The following PCDH15 variants were observed in gnomAD, a reference collection of about 807,000 sequenced individuals.
PCDH15 encodes protocadherin related 15, also known as protocadherin-15.
PCDH15 carries 129 observed loss-of-function variants against 178.5 expected under a neutral mutation model. The observed-to-expected ratio is 0.72, with a 90% confidence interval of 0.63 to 0.84. PCDH15 has a LOEUF of 0.84. Among genes scored for constraint, PCDH15 ranks in the 40% least tolerant of loss-of-function variants. The pLI is 0.00. For synonymous variants in PCDH15, 800 were observed against 732.0 expected (o/e 1.09, Z -1.50); for missense variants, 2,230 against 2,099.9 (o/e 1.06, Z -1.21).
intron 2 of PCDH15, among the ~76,000 whole-genome samples, chr10:55,338,256 A>G (rs1260028070): frequency 6.6e-6 from 1 of 152,180 alleles, no homozygotes; most frequent in Non-Finnish European, 1.5e-5. Context: ...CAAAAAAACT[A>G]AAAGTAAAAT....
intron 2 of PCDH15, among the ~76,000 whole-genome samples, chr10:54,953,143 T>C (rs1838389712): frequency 6.6e-6 from 1 of 151,532 alleles, no homozygotes; most frequent in Non-Finnish European, 1.5e-5. Flanking sequence ...TTTTTATTTG[T>C]TTGTTTATTA....
intron 27 of PCDH15, among the ~76,000 whole-genome samples, chr10:53,858,651 A>C (rs2078911664): frequency 6.6e-6 from 1 of 152,148 alleles, no homozygotes; most frequent in Admixed American, 6.5e-5. Context: ...AGTAGGTCTG[A>C]TTATTACTTC....
intron 14 of PCDH15, among the ~76,000 whole-genome samples, chr10:54,140,021 C>T (rs1381789632): frequency 6.6e-6 from 1 of 151,966 alleles, no homozygotes; most frequent in African/African-American, 2.4e-5. Flanking sequence ...CTCTGTGTGT[C>T]TATCTTCATG....
chr10:55,482,110 G>A (rs1370285563), intron 2 of PCDH15, among the ~76,000 whole-genome samples: 2 of 151,742 alleles, frequency 1.3e-5, no homozygotes, highest in East Asian at 3.9e-4. Context: ...GATCTTTGAT[G>A]GTTTAAAGTC....
chr10:55,361,027 TG>T (rs1845214816), intron 2 of PCDH15, among the ~76,000 whole-genome samples: 1 of 151,982 alleles, frequency 6.6e-6, no homozygotes, highest in South Asian at 2.1e-4. Flanking sequence ...ATTTTCTGAA[TG>T]GACCACAATT....
intron 2 of PCDH15, among the ~76,000 whole-genome samples, chr10:55,332,653 G>A (rs932036129): frequency 1.3e-5 from 2 of 152,082 alleles, no homozygotes; most frequent in Non-Finnish European, 2.9e-5. Context: ...GTTGTGAAAG[G>A]GACCCAGTGG....
chr10:54,628,876 T>C (rs1384815353), intron 2 of PCDH15, among the ~76,000 whole-genome samples: 1 of 152,126 alleles, frequency 6.6e-6, no homozygotes, highest in Non-Finnish European at 1.5e-5. Context: ...TGATTTCTCC[T>C]TTGCTTTCGT....
Position 54,664,297 on chromosome 10 carries a change from T to G in PCDH15, c.-28-7A>C, listed in dbSNP as rs1169417482. 1 of 1,512,674 alleles carries G rather than the reference T, an allele frequency of 6.6e-7. No individual in the cohort carries two copies. Among genetic ancestry groups the G allele is most frequent in the East Asian group, 2.3e-5 (1 of 43,602 alleles). The allele number at this position is 1,512,674 out of a possible 1,614,324, so 93.7% of individuals were successfully genotyped here. A position where few individuals can be genotyped will look rare whatever the true frequency, so the allele number is the denominator to read the frequency against. ...AAGTTCACTCAAAGCTGATCTGAAATAAGAAAAGGTAGAAAGAAACATTTG... is the reference window on the plus strand; with the variant it reads ...AAGTTCACTCAAAGCTGATCTGAAAGAAGAAAAGGTAGAAAGAAACATTTG... On this transcript the variant is annotated splice_polypyrimidine_tract_variant and splice_region_variant and intron_variant, in intron 1 of 37. Coordinates refer to ENST00000644397, the MANE Select transcript of PCDH15 (RefSeq NM_001384140.1).
chr10:55,378,751 A>T (rs1015638393), intron 2 of PCDH15, among the ~76,000 whole-genome samples: 48 of 152,048 alleles, frequency 3.2e-4, no homozygotes, highest in African/African-American at 1.1e-3. Context: ...ATGAGGCATA[A>T]CACCTTACTA....
At chr10:55,376,569 T>C (rs1588967592) in intron 2 of PCDH15, among the ~76,000 whole-genome samples, 3 of 152,234 alleles carry the variant, frequency 2.0e-5, no homozygotes, top group Middle Eastern at 3.4e-3. Context: ...ATTTTTAGCT[T>C]TGATTATTGA....
At chr10:54,260,642 G>GTGA (rs2057248470) in intron 8 of PCDH15, among the ~76,000 whole-genome samples, 2 of 151,874 alleles carry the variant, frequency 1.3e-5, no homozygotes, top group African/African-American at 4.8e-5. Context: ...GTGCAGTGGC[G>GTGA]CGATCTCGGC....
intron 1 of PCDH15, among the ~76,000 whole-genome samples, chr10:55,318,412 T>A (rs1307583856): frequency 6.6e-6 from 1 of 152,084 alleles, no homozygotes; most frequent in Non-Finnish European, 1.5e-5. Context: ...GAAAATATAG[T>A]TCATTTTGAA....
chr10:54,849,088 C>T (rs909299175), intron 3 of PCDH15, among the ~76,000 whole-genome samples: 2 of 151,856 alleles, frequency 1.3e-5, no homozygotes, highest in African/African-American at 4.8e-5. Flanking sequence ...TACGTGTTTC[C>T]CTTTCTTATT....
At chr10:55,280,458 T>A (rs2132256718) in intron 1 of PCDH15, among the ~76,000 whole-genome samples, 1 of 146,622 alleles carries the variant, frequency 6.8e-6, no homozygotes, top group Non-Finnish European at 1.5e-5. Flanking sequence ...TTTTTTTTTT[T>A]TTTTTTTTTT....
At chr10:54,060,220 TCTGA>T (rs1377412072) in intron 18 of PCDH15, among the ~76,000 whole-genome samples, 13 of 152,342 alleles carry the variant, frequency 8.5e-5, no homozygotes, top group South Asian at 2.1e-4. Flanking sequence ...CTGTTTATAA[TCTGA>T]CTGACTATGA....
chr10:54,467,281 T>G (rs2077580908), intron 3 of PCDH15, among the ~76,000 whole-genome samples: 1 of 151,926 alleles, frequency 6.6e-6, no homozygotes, highest in South Asian at 2.1e-4. Context: ...AGTATTATGT[T>G]AGCTATGAGT....
intron 1 of PCDH15, among the ~76,000 whole-genome samples, chr10:54,763,524 G>A (rs906748200): frequency 2.0e-5 from 3 of 151,974 alleles, no homozygotes; most frequent in African/African-American, 7.3e-5. Flanking sequence ...TTAGGTAGAA[G>A]AAATAAGTTC....
chr10:54,093,938 T>A (rs1286077372), intron 15 of PCDH15, among the ~76,000 whole-genome samples: 1 of 152,160 alleles, frequency 6.6e-6, no homozygotes, highest in Non-Finnish European at 1.5e-5. Flanking sequence ...TGAAAAAACA[T>A]TTTATGTGCT....
rs769649075 is a variant in PCDH15 at position 54,153,438 on chromosome 10, GTTTT to G, written c.1591-149_1591-146del. 3 of 822,234 alleles carry G rather than the reference GTTTT, an allele frequency of 3.6e-6. No individual in the cohort carries two copies. In the African/African-American group the frequency reaches 5.2e-5, roughly 14 times the overall value. The allele number at this position is 822,234 out of a possible 1,614,324, so 50.9% of individuals were successfully genotyped here. The stretch of plus-strand genomic sequence containing the variant: ...ACATATATACTGTTTTTTGTTTTTT[GTTTT>G]TTTAACTGAGGCTACTGTGTCCTGT... On this transcript the variant is annotated intron_variant, in intron 13 of 37. Coordinates refer to ENST00000644397, the MANE Select transcript of PCDH15 (RefSeq NM_001384140.1).
Sources: gnomAD v4.1 joint callset for allele counts (sites outside exome capture counted in the v4.1 genomes callset) on GRCh38, gnomAD v4.1.1 for gene constraint, MANE v1.5 for transcripts, NCBI Gene and HGNC (gene_info 2026-07-23, HGNC 2026-07-21) for gene names.